NUAK2: variants seen among roughly 807,000 people sequenced by gnomAD.
NUAK2 encodes NUAK family kinase 2.
NUAK2 carries 20 observed loss-of-function variants against 29.8 expected under a neutral mutation model. That is an observed-to-expected ratio of 0.67 (90% CI 0.47 to 0.98). The LOEUF (loss-of-function observed/expected upper bound fraction) is 0.98. Among genes scored for constraint, NUAK2 ranks in the 50% least tolerant of loss-of-function variants. The pLI is 0.00. For missense variants in NUAK2, 719 were observed against 834.5 expected, an observed-to-expected ratio of 0.86 and a Z score of 1.71; for synonymous variants, 331 against 342.6, an observed-to-expected ratio of 0.97 and a Z score of 0.37.
At chr1:205,311,286 A>G (rs1662254932) in intron 2 of NUAK2, among the ~76,000 whole-genome samples, 1 of 152,158 alleles carries the variant, frequency 6.6e-6, no homozygotes, top group African/African-American at 2.4e-5. Flanking sequence ...CGCACCTGAG[A>G]CAGGTGCAGG....
chr1:205,305,426 C>T, intron 5 of NUAK2, 95 bp from the exon 6 acceptor site: 1 of 1,491,872 alleles, frequency 6.7e-7, no homozygotes, highest in Non-Finnish European at 8.9e-7. Context: ...CTGAGGACGA[C>T]CCACCTCTCC....
Position 205,321,617 on chromosome 1 carries a change from C to T in NUAK2, c.12G>A (p.Leu4=). 6.2e-7 allele frequency: 1 copy of T among 1,610,036 alleles called. No homozygotes were observed. The highest frequency in any genetic ancestry group is 8.5e-7 in the Non-Finnish European group (1 of 1,179,556). ...TGGGGCCGGAGCGCCGCGCGAAAACCAGCGACTCCATGGCGAGCAGGAGGT... is the reference window on the plus strand; with the variant it reads ...TGGGGCCGGAGCGCCGCGCGAAAACTAGCGACTCCATGGCGAGCAGGAGGT... MES[L]VFARRSGPTP... is the part of the protein sequence containing the mutation. The change falls in exon 1 of 7, where the codon CTG becomes CTA. Residue 4 remains leucine, a synonymous_variant. Coordinates refer to ENST00000367157, the MANE Select transcript of NUAK2 (RefSeq NM_030952.3).
intron 1 of NUAK2, among the ~76,000 whole-genome samples, chr1:205,318,886 C>A (rs562306770): frequency 1.1e-4 from 16 of 152,314 alleles, no homozygotes; most frequent in Admixed American, 7.2e-4. Context: ...CCCTGATAAT[C>A]CCATCTAGGC....
chr1:205,318,286 C>G (rs1319475644), intron 1 of NUAK2, among the ~76,000 whole-genome samples: 2 of 152,180 alleles, frequency 1.3e-5, no homozygotes, highest in East Asian at 3.9e-4. Context: ...ACCTGAAGCA[C>G]TGCCTGTAGT....
chr1:205,320,159 C>A (rs573324332), intron 1 of NUAK2, among the ~76,000 whole-genome samples: 1 of 152,336 alleles, frequency 6.6e-6, no homozygotes, highest in South Asian at 2.1e-4. Context: ...GTTTGAGAAC[C>A]AGTTAACCAC....
chr1:205,314,148 A>T (rs1662293045), intron 1 of NUAK2, among the ~76,000 whole-genome samples: 1 of 152,294 alleles, frequency 6.6e-6, no homozygotes, highest in Non-Finnish European at 1.5e-5. Context: ...CCGTAAGAGG[A>T]GCTGCTCACA....
chr1:205,314,714 C>T (rs1006935413), intron 1 of NUAK2, among the ~76,000 whole-genome samples: 7 of 152,224 alleles, frequency 4.6e-5, no homozygotes, highest in Middle Eastern at 3.4e-3. Flanking sequence ...AAGAGCAAAA[C>T]GATCAATCAT....
intron 1 of NUAK2, among the ~76,000 whole-genome samples, chr1:205,317,599 C>T (rs944772792): frequency 6.6e-6 from 1 of 152,170 alleles, no homozygotes; most frequent in African/African-American, 2.4e-5. Flanking sequence ...TCCTCCAGCC[C>T]CCTCTACCGG....
At chr1:205,307,737 T>G (rs1360427570) in intron 4 of NUAK2, among the ~76,000 whole-genome samples, 2 of 152,184 alleles carry the variant, frequency 1.3e-5, no homozygotes, top group Non-Finnish European at 2.9e-5. Flanking sequence ...CAAAGGGCTA[T>G]CTAATTGTAC....
intron 1 of NUAK2, among the ~76,000 whole-genome samples, chr1:205,317,102 A>T (rs1156735196): frequency 6.6e-6 from 1 of 152,162 alleles, no homozygotes; most frequent in African/African-American, 2.4e-5. Context: ...TCCCACTTAC[A>T]GATATACAAA....
In NUAK2 at chr1:205,303,614, C is replaced by T. The variant is rs770374086; in HGVS notation, c.1723G>A (p.Asp575Asn). ...GGCTCCTCAAGCCCCGTGAGGTTGT[C>T]CACAGACACACAGCCCCGCAGTGGG... Reference protein sequence around the residue: ...EPPLRGCVSVDNLTGLEEPPS... With the variant: ...EPPLRGCVSVNNLTGLEEPPS... The change falls in exon 7 of 7, where the codon GAC (aspartate) becomes AAC (asparagine). Residue 575 changes from aspartate (D) to asparagine (N), a missense_variant. Physicochemically the swap from Asp to Asn is conservative, Grantham distance 23. Transcript: ENST00000367157. 6.2e-7 allele frequency: 1 copy of T among 1,609,096 alleles called. No individual in the cohort carries two copies. The highest frequency in any genetic ancestry group is 8.5e-7 in the Non-Finnish European group (1 of 1,178,178).
chr1:205,311,609 TTTATG>T, intron 2 of NUAK2, 91 bp downstream of exon 2: 2 of 1,512,976 alleles, frequency 1.3e-6, no homozygotes, highest in Non-Finnish European at 1.8e-6. Flanking sequence ...TTTTTACTTC[TTTATG>T]TTGTTTCTTC....
chr1:205,321,261 C>G, intron 1 of NUAK2, 137 bp downstream of exon 1: 1 of 741,022 alleles, frequency 1.3e-6, no homozygotes, highest in Non-Finnish European at 2.1e-6. Flanking sequence ...CCCGCAGTAG[C>G]CCCGCAAGCT....
chr1:205,307,573 C>G (rs1662199632), intron 4 of NUAK2, among the ~76,000 whole-genome samples: 1 of 152,166 alleles, frequency 6.6e-6, no homozygotes, highest in Admixed American at 6.5e-5. Context: ...GGGCCAGCCT[C>G]CCTGTGCCAT....
chr1:205,321,707 C>G lies in NUAK2; in HGVS notation c.-79G>C, dbSNP rs1662423760. On this transcript the variant is annotated 5_prime_UTR_variant, in exon 1 of 7. Coordinates refer to ENST00000367157, the MANE Select transcript of NUAK2 (RefSeq NM_030952.3). ...GGGCTGAAGCGCGGGGCACAGGTCC[C>G]GCACCAGGACGGGGAGCCACAGCAG... 1.7e-6 allele frequency: 2 copies of G among 1,166,250 alleles called. No homozygotes were observed. Among genetic ancestry groups the G allele is most frequent in the Admixed American group, 2.2e-5 (1 of 45,970 alleles). The allele number at this position is 1,166,250 out of a possible 1,614,324, so 72.2% of individuals were successfully genotyped here.
intron 1 of NUAK2, among the ~76,000 whole-genome samples, chr1:205,314,199 C>T (rs991861402): frequency 1.3e-5 from 2 of 152,318 alleles, no homozygotes; most frequent in African/African-American, 4.8e-5. Context: ...CCAGGGATGG[C>T]GTGCCCTCCA....
intron 2 of NUAK2, among the ~76,000 whole-genome samples, chr1:205,310,219 G>T (rs556977339): frequency 7.9e-5 from 12 of 152,346 alleles, no homozygotes; most frequent in African/African-American, 2.4e-4. Flanking sequence ...GCCCTTATCT[G>T]TGGAGGCCCA....
At position 205,304,018 on chromosome 1, in the gene NUAK2, G is replaced by C; in HGVS notation, c.1319C>G (p.Ala440Gly). ...SPIPASPGQA[A>G]PLLPKKGILK... is the part of the protein sequence containing the mutation. ...AATGCCCTTCTTGGGGAGCAGGGGGGCAGCCTGCCCTGGGCTCGCAGGGAT... is the reference window on the plus strand; with the variant it reads ...AATGCCCTTCTTGGGGAGCAGGGGGCCAGCCTGCCCTGGGCTCGCAGGGAT... The change falls in exon 7 of 7, where the codon GCC (alanine) becomes GGC (glycine). Residue 440 changes from alanine (A) to glycine (G), a missense_variant. Physicochemically the swap from Ala to Gly is moderately conservative, Grantham distance 60 (BLOSUM62 0). Transcript: ENST00000367157. This position sits in a 1 kb window ranked among gnomAD's most constrained non-coding sequence, Gnocchi z 6.5. 2 of 1,613,894 alleles carry C rather than the reference G, an allele frequency of 1.2e-6. No homozygotes were observed.
At chr1:205,306,111 C>A in intron 5 of NUAK2, 77 bp downstream of exon 5, 2 of 1,490,182 alleles carry the variant, frequency 1.3e-6, no homozygotes, top group Non-Finnish European at 1.8e-6. Flanking sequence ...AACGAGAAAA[C>A]TAGCCCATCA....
Sources: allele counts gnomAD v4.1 joint callset (sites outside exome capture counted in the v4.1 genomes callset), GRCh38; gene constraint gnomAD v4.1.1; non-coding constraint Gnocchi (gnomAD v3.1); transcripts MANE v1.5; gene names NCBI Gene and HGNC (gene_info 2026-07-23, HGNC 2026-07-21).